DOT1L: variants seen among roughly 807,000 people sequenced by gnomAD.
DOT1L encodes the protein histone-lysine N-methyltransferase, H3 lysine-79 specific.
In DOT1L, 33 loss-of-function variants were observed where a neutral mutation model predicts 153.3. The observed-to-expected ratio is 0.22, with a 90% CI of 0.16 to 0.29. The LOEUF (loss-of-function observed/expected upper bound fraction) is 0.29, where lower values mean the gene tolerates loss of function less well. DOT1L is among the 10% of genes least tolerant of loss of function. The pLI is 1.00. For synonymous variants in DOT1L, 1,135 were observed against 965.1 expected, an observed-to-expected ratio of 1.18 and a Z score of -3.26; for missense variants, 1,847 against 2,119.9, an observed-to-expected ratio of 0.87 and a Z score of 2.53.
chr19:2,195,990 G>T (rs1267502462), intron 7 of DOT1L, among the ~76,000 whole-genome samples: 1 of 152,230 alleles, frequency 6.6e-6, no homozygotes, highest in Non-Finnish European at 1.5e-5. Context: ...CGTGGCTGGG[G>T]CTGTGTGCCC....
chr19:2,176,913 C>T (rs1399144782), intron 1 of DOT1L, among the ~76,000 whole-genome samples: 1 of 152,186 alleles, frequency 6.6e-6, no homozygotes, highest in Non-Finnish European at 1.5e-5. Context: ...TGCCGTGGGC[C>T]CTGACAGTGA....
intron 22 of DOT1L, among the ~76,000 whole-genome samples, chr19:2,218,504 C>T (rs998766669): frequency 3.3e-5 from 5 of 151,932 alleles, no homozygotes; most frequent in African/African-American, 1.2e-4. Flanking sequence ...CGCCATTCTC[C>T]TGCCTCAGCC....
Position 2,191,555 on chromosome 19 carries a change from C to G in DOT1L, c.493+315C>G, listed in dbSNP as rs1441404684. ...CTAGACCTGTGCACCCTCTACTGCT[C>G]GCTCCCAGAAGCTGCCACTCGCTAG... On this transcript the variant is annotated intron_variant, in intron 5 of 27. Transcript: ENST00000398665. This position sits in a 1 kb window ranked among gnomAD's most constrained non-coding sequence, Gnocchi z 6.8. 3.9e-5 allele frequency among the ~76,000 whole-genome samples: 6 copies of G among 152,058 alleles called. No individual in the cohort carries two copies. The highest frequency in any genetic ancestry group is 8.8e-5 in the Non-Finnish European group (6 of 68,006).
intron 18 of DOT1L, 172 bp downstream of exon 18, chr19:2,214,158 C>T: frequency 8.6e-7 from 1 of 1,169,298 alleles, no homozygotes. Flanking sequence ...AGCAGGCAGG[C>T]CTGGGCCCCT....
chr19:2,195,991 C>G (rs1206710411), intron 7 of DOT1L, among the ~76,000 whole-genome samples: 1 of 152,238 alleles, frequency 6.6e-6, no homozygotes, highest in Admixed American at 6.5e-5. Context: ...GTGGCTGGGG[C>G]TGTGTGCCCG....
chr19:2,215,898 A>G (rs1212191132), intron 19 of DOT1L: 1 of 185,510 alleles, frequency 5.4e-6, no homozygotes, highest in Non-Finnish European at 1.1e-5. Context: ...AACTAAAAGG[A>G]AAAAGCCCCT....
chr19:2,173,097 A>G (rs978970127), intron 1 of DOT1L, among the ~76,000 whole-genome samples: 1 of 152,184 alleles, frequency 6.6e-6, no homozygotes, highest in Non-Finnish European at 1.5e-5. Flanking sequence ...CCCAAAAGGA[A>G]ACGCTGCCGC....
chr19:2,212,730 G>C (rs541436409), intron 16 of DOT1L: 1 of 152,400 alleles, frequency 6.6e-6, no homozygotes, highest in South Asian at 2.1e-4. Flanking sequence ...AGTACATGCT[G>C]TCTCTTCTGT....
rs373783949 is a variant in DOT1L, at chr19:2,223,414, C to G, written c.3524C>G (p.Thr1175Ser). The G allele has an allele frequency of 1.9e-6, 3 of 1,613,682 alleles. No individual in the cohort carries two copies. In the Admixed American group the frequency reaches 5.0e-5, roughly 27 times the overall value. The change falls in exon 25 of 28, where the codon ACC becomes AGC. Residue 1175 changes from threonine to serine, a missense_variant. Thr to Ser is a moderately conservative substitution (Grantham distance 58). Coordinates refer to ENST00000398665, the MANE Select transcript of DOT1L (RefSeq NM_032482.3). ...VLKKERPLSQ[T>S]NGAHYSPLTS... ...AAGAAGGAGCGGCCTCTGAGCCAGACCAATGGGGCACACTACTCCCCACTC... is the reference window on the plus strand; with the variant it reads ...AAGAAGGAGCGGCCTCTGAGCCAGAGCAATGGGGCACACTACTCCCCACTC...
At chr19:2,221,731 G>C in intron 23 of DOT1L, 1 of 499,330 alleles carries the variant, frequency 2.0e-6, no homozygotes, top group Non-Finnish European at 3.5e-6. Flanking sequence ...CGTCTCAGCC[G>C]GGACCTGCAG....
chr19:2,229,450 G>A (rs1452396924), intron 27 of DOT1L: 2 of 985,354 alleles, frequency 2.0e-6, no homozygotes, highest in African/African-American at 1.7e-5. Context: ...AGCCTGGCGG[G>A]TCAATGCGGG....
In DOT1L at chr19:2,207,693, C is replaced by G. The variant is rs760781184; in HGVS notation, c.963+13C>G. On this transcript the variant is annotated intron_variant, in intron 11 of 27. Coordinates refer to ENST00000398665, the MANE Select transcript of DOT1L (RefSeq NM_032482.3). This position sits in a 1 kb window ranked among gnomAD's most constrained non-coding sequence, Gnocchi z 4.5. ...CGACCGCACCATAGTGAGTATCTCG[C>G]TGCGCCTCAGCCGCAGGGCCGTCCT... 6.2e-7 allele frequency: 1 copy of G among 1,604,242 alleles called. No individual in the cohort carries two copies. The highest frequency in any genetic ancestry group is 8.5e-7 in the Non-Finnish European group (1 of 1,175,842).
At chr19:2,178,070 G>A (rs2022035833) in intron 1 of DOT1L, among the ~76,000 whole-genome samples, 1 of 151,060 alleles carries the variant, frequency 6.6e-6, no homozygotes, top group Non-Finnish European at 1.5e-5. Context: ...TTACAGGCAC[G>A]CACCACCATG....
Position 2,180,769 on chromosome 19 carries a change from C to T in DOT1L, c.125+13C>T. 1 of 1,613,806 alleles carries T rather than the reference C, an allele frequency of 6.2e-7. No homozygotes were observed. Among genetic ancestry groups the T allele is most frequent in the Non-Finnish European group, 8.5e-7 (1 of 1,179,976 alleles). ...TCGAGACCATCCGGTGAGTGCACGG[C>T]CTGCAGTGTGTTGTCTTCACAGCCC... is the stretch of plus-strand genomic sequence containing the variant. On this transcript the variant is annotated intron_variant, in intron 2 of 27. Coordinates refer to ENST00000398665, the MANE Select transcript of DOT1L (RefSeq NM_032482.3).
chr19:2,199,978 G>A lies in DOT1L; in HGVS notation c.707+39G>A, dbSNP rs2023179922. ...GGGGCATGCAGGGCATGTGGGGTGT[G>A]CGCTCACAGGCGGGCGGTGGCCATG... On this transcript the variant is annotated intron_variant, in intron 8 of 27. Transcript: ENST00000398665. 3 of 1,607,178 alleles carry A rather than the reference G, an allele frequency of 1.9e-6. No individual in the cohort carries two copies. The African/African-American group carries it at 4.0e-5, about 21-fold the overall frequency.
Position 2,226,658 on chromosome 19 carries a change from G to T in DOT1L, c.4137G>T (p.Leu1379=). Residue 1379 remains leucine (L), a synonymous_variant, in exon 27 of 28, where the codon CTG becomes CTT. Coordinates refer to ENST00000398665, the MANE Select transcript of DOT1L (RefSeq NM_032482.3). Reference sequence around the variant, plus strand: ...GGCAGCTGGACGGCCTGGCTGGGCTGAAGGGCGAGGGCAGCCGCGGCAAGG... The same window carrying T: ...GGCAGCTGGACGGCCTGGCTGGGCTTAAGGGCGAGGGCAGCCGCGGCAAGG... The part of the protein sequence containing the change: ...SKRQLDGLAG[L]KGEGSRGKEA... The T allele has an allele frequency of 1.3e-6, 2 of 1,582,030 alleles. No homozygotes were observed. The highest frequency in any genetic ancestry group is 1.1e-5 in the South Asian group (1 of 88,666).
Position 2,231,748 on chromosome 19 carries a change from GAAC to G in DOT1L, c.*1959_*1961del, listed in dbSNP as rs2024607759. 4.7e-6 allele frequency: 1 copy of G among 213,628 alleles called. No individual in the cohort carries two copies. Among genetic ancestry groups the G allele is most frequent in the Non-Finnish European group, 9.5e-6 (1 of 105,800 alleles). The allele number at this position is 213,628 out of a possible 1,614,324, so 13.2% of individuals were successfully genotyped here. ...CAGAGACGGCCGAGTCCCTGGTCTA[GAAC>G]AAGACACATTCTTTAAACACTGTAT... is the stretch of plus-strand genomic sequence containing the variant. On this transcript the variant is annotated 3_prime_UTR_variant, in exon 28 of 28. Transcript: ENST00000398665.
At position 2,217,524 on chromosome 19, in the gene DOT1L, C is replaced by T. The variant is rs976609310; in HGVS notation, c.2545-248C>T. ...GGTGGCCCCACGGGTGACTGCCCAC[C>T]GAGCCGGGCGGGCAGGCTGGAGGGG... is the stretch of plus-strand genomic sequence containing the variant. On this transcript the variant is annotated intron_variant, in intron 21 of 27. Coordinates refer to ENST00000398665, the MANE Select transcript of DOT1L (RefSeq NM_032482.3). This position sits in a 1 kb window ranked among gnomAD's most constrained non-coding sequence, Gnocchi z 7.3. Among the ~76,000 whole-genome samples, 28 of 152,090 alleles carry T rather than the reference C, an allele frequency of 1.8e-4. No homozygotes were observed. The highest frequency in any genetic ancestry group is 6.3e-4 in the African/African-American group (26 of 41,410).
chr19:2,190,008 G>A lies in DOT1L; in HGVS notation c.264+213G>A, dbSNP rs746397721. 1.3e-5 allele frequency among the ~76,000 whole-genome samples: 2 copies of A among 152,166 alleles called. No individual in the cohort carries two copies. The highest frequency in any genetic ancestry group is 2.9e-5 in the Non-Finnish European group (2 of 68,006). ...TGTGGCCGTGTGCCAAAGCAGAGCC[G>A]TCCGTGGTTTGTGTGCTGAGGCAGG... On this transcript the variant is annotated intron_variant, in intron 4 of 27. Transcript: ENST00000398665. The surrounding 1 kb of genome is among the most constrained non-coding windows in gnomAD (Gnocchi z 4.8).
Sources: allele counts gnomAD v4.1 joint callset (sites outside exome capture counted in the v4.1 genomes callset), GRCh38; gene constraint gnomAD v4.1.1; non-coding constraint Gnocchi (gnomAD v3.1); transcripts MANE v1.5; gene names NCBI Gene and HGNC (gene_info 2026-07-23, HGNC 2026-07-21).